The following SCAMP2 variants were observed in gnomAD, a reference collection of about 807,000 sequenced individuals.
The protein encoded by SCAMP2 is secretory carrier membrane protein 2.
Under a neutral mutation model 44.1 loss-of-function variants are expected in SCAMP2, and 25 were observed. The observed-to-expected ratio is 0.57, with a 90% CI of 0.41 to 0.79. SCAMP2 has a LOEUF of 0.79. Ranked by LOEUF, SCAMP2 falls within the 30% of genes least tolerant of loss-of-function variation. The pLI is 0.00. For missense variants in SCAMP2, 355 were observed against 411.0 expected, an observed-to-expected ratio of 0.86 and a Z score of 1.18; for synonymous variants, 156 against 166.0, an observed-to-expected ratio of 0.94 and a Z score of 0.46.
At chr15:74,851,772 A>C in intron 4 of SCAMP2, 1 of 463,678 alleles carries the variant, frequency 2.2e-6, no homozygotes, top group Non-Finnish European at 3.8e-6. Context: ...AAGTGTGAGA[A>C]CTCAGTTCAT....
chr15:74,867,961 T>C (rs1318309379), intron 1 of SCAMP2, among the ~76,000 whole-genome samples: 1 of 152,216 alleles, frequency 6.6e-6, no homozygotes, highest in Non-Finnish European at 1.5e-5. Context: ...TGATTTTTAG[T>C]GGACTGCTGA....
Position 74,851,392 on chromosome 15 carries a change from A to G in SCAMP2, c.433T>C (p.Tyr145His). 1 of 1,614,102 alleles carries G rather than the reference A, an allele frequency of 6.2e-7. No homozygotes were observed. The highest frequency in any genetic ancestry group is 8.5e-7 in the Non-Finnish European group (1 of 1,179,966). ...QDFSTEIPAD[Y>H]QRICKMLYYL... ...TAGAGCATCTTGCATATCCGCTGGT[A>G]GTCGGCAGGGATCTCTGTGGAGAAA... The change falls in exon 5 of 9, where the codon TAC (tyrosine) becomes CAC (histidine). Residue 145 changes from tyrosine to histidine, a missense_variant. By Grantham distance (83) the Tyr-to-His change is moderately conservative (BLOSUM62 2). Transcript: ENST00000268099.
intron 1 of SCAMP2, among the ~76,000 whole-genome samples, chr15:74,872,683 T>C (rs1338732862): frequency 6.6e-6 from 1 of 152,144 alleles, no homozygotes; most frequent in East Asian, 1.9e-4. Flanking sequence ...CCCTGACAAA[T>C]CTCAGGGGCT....
intron 1 of SCAMP2, among the ~76,000 whole-genome samples, chr15:74,872,412 C>CAAA (rs532189299): frequency 1.0e-5 from 1 of 98,092 alleles, no homozygotes; most frequent in South Asian, 3.1e-4. Flanking sequence ...GACTCCGTCT[C>CAAA]AAAAAAAAAA....
chr15:74,847,935 AGCTTTCAGG>A, intron 7 of SCAMP2, among the ~76,000 whole-genome samples: 1 of 152,300 alleles, frequency 6.6e-6, no homozygotes, highest in East Asian at 1.9e-4. Context: ...GGCATCCATC[AGCTTTCAGG>A]AGGGTGTGGC....
At chr15:74,845,334 C>A in intron 8 of SCAMP2, 117 bp from the exon 9 acceptor site, 1 of 1,581,626 alleles carries the variant, frequency 6.3e-7, no homozygotes. Context: ...GACCCCCCAC[C>A]CAGATCCCTG....
intron 1 of SCAMP2, among the ~76,000 whole-genome samples, chr15:74,855,527 AC>A (rs908693674): frequency 9.9e-5 from 15 of 151,850 alleles, no homozygotes; most frequent in African/African-American, 3.6e-4. Context: ...GACCAGCCTG[AC>A]CAACATGGAG....
chr15:74,862,516 C>T (rs62006636), intron 1 of SCAMP2, among the ~76,000 whole-genome samples: 3,650 of 151,656 alleles, frequency 0.024, 71 homozygotes, highest in Non-Finnish European at 0.038. Context: ...GCAGAGGCTG[C>T]AGTGAGCCGA....
At chr15:74,851,573 C>A (rs1327108386) in intron 4 of SCAMP2, 92 bp from the exon 5 acceptor site, 2 of 1,529,816 alleles carry the variant, frequency 1.3e-6, no homozygotes, top group Admixed American at 1.8e-5. Context: ...TGGGCCAAAC[C>A]AGGGTTCCCA....
At chr15:74,851,856 G>A (rs1027244873) in intron 4 of SCAMP2, 2 of 457,916 alleles carry the variant, frequency 4.4e-6, no homozygotes, top group African/African-American at 4.0e-5. Flanking sequence ...AGCTAGGAAG[G>A]AGTGCAGAAG....
At chr15:74,860,480 G>A (rs1377879063) in intron 1 of SCAMP2, among the ~76,000 whole-genome samples, 2 of 151,992 alleles carry the variant, frequency 1.3e-5, no homozygotes, top group Middle Eastern at 3.4e-3. Context: ...CCTGAGGTCA[G>A]GAGTTTGAGA....
chr15:74,863,602 G>A (rs979869296), intron 1 of SCAMP2, among the ~76,000 whole-genome samples: 1 of 151,936 alleles, frequency 6.6e-6, no homozygotes, highest in African/African-American at 2.4e-5. Context: ...AGAAAAGCAA[G>A]TCTGAGTCAC....
Position 74,851,424 on chromosome 15 carries a change from T to C in SCAMP2, c.401A>G (p.Tyr134Cys), listed in dbSNP as rs867489718. Residue 134 changes from tyrosine to cysteine, a missense_variant, in exon 5 of 9, where the codon TAT becomes TGT. Coordinates refer to ENST00000268099, the MANE Select transcript of SCAMP2 (RefSeq NM_005697.5). ...AGGGATCTCTGTGGAGAAATCCTGA[T>C]AGAAGCAGGGCTTCACAGGGCACCA... is the stretch of plus-strand genomic sequence containing the variant. ...PSWCPVKPCF[Y>C]QDFSTEIPAD... 1 of 1,614,058 alleles carries C rather than the reference T, an allele frequency of 6.2e-7. No homozygotes were observed. The highest frequency in any genetic ancestry group is 8.5e-7 in the Non-Finnish European group (1 of 1,179,916).
At chr15:74,856,004 T>G (rs1481701167) in intron 1 of SCAMP2, among the ~76,000 whole-genome samples, 4 of 152,076 alleles carry the variant, frequency 2.6e-5, no homozygotes, top group Non-Finnish European at 5.9e-5. Context: ...AACAGTTGTC[T>G]TCACCCTGCC....
intron 1 of SCAMP2, among the ~76,000 whole-genome samples, chr15:74,871,183 G>GTGGCTCA (rs1453529222): frequency 6.6e-6 from 1 of 152,196 alleles, no homozygotes; most frequent in Non-Finnish European, 1.5e-5. Flanking sequence ...AGACTGTCCT[G>GTGGCTCA]TGGCTCATGC....
At chr15:74,866,708 T>G (rs1187054157) in intron 1 of SCAMP2, among the ~76,000 whole-genome samples, 5 of 152,144 alleles carry the variant, frequency 3.3e-5, no homozygotes, top group African/African-American at 4.8e-5. Flanking sequence ...GTCTCTGCCC[T>G]TCCTCCTGAG....
At chr15:74,851,613 C>A in intron 4 of SCAMP2, 132 bp from the exon 5 acceptor site, 1 of 1,085,602 alleles carries the variant, frequency 9.2e-7, no homozygotes, top group Non-Finnish European at 1.3e-6. Context: ...GGCTTGGAGT[C>A]TGCATGGAGC....
intron 1 of SCAMP2, among the ~76,000 whole-genome samples, chr15:74,860,619 G>A (rs1237140832): frequency 1.3e-5 from 2 of 150,754 alleles, no homozygotes; most frequent in South Asian, 2.1e-4. Flanking sequence ...ACTGGGAGGC[G>A]GAGGTTGCAG....
chr15:74,872,919 C>T (rs1231154622), intron 1 of SCAMP2: 1 of 403,968 alleles, frequency 2.5e-6, no homozygotes, highest in Non-Finnish European at 4.4e-6. Flanking sequence ...AGGGTCCGAC[C>T]GTACCTGCTC....
Sources: allele counts gnomAD v4.1 joint callset (sites outside exome capture counted in the v4.1 genomes callset), GRCh38; gene constraint gnomAD v4.1.1; transcripts MANE v1.5; gene names NCBI Gene and HGNC (gene_info 2026-07-23, HGNC 2026-07-21).